BLM: variants seen among roughly 807,000 people sequenced by gnomAD.
BLM encodes recQ-like DNA helicase BLM.
A neutral mutation model predicts 135.3 loss-of-function variants in BLM; 95 were observed. The ratio of observed to expected loss-of-function variants is 0.70; its 90% CI spans 0.59 to 0.83. The LOEUF is 0.83. Among genes scored for constraint, BLM ranks in the 40% least tolerant of loss-of-function variants. The pLI is 0.00. For missense variants in BLM, 1,518 were observed against 1,663.9 expected, an observed-to-expected ratio of 0.91 and a Z score of 1.53; for synonymous variants, 520 against 589.2, an observed-to-expected ratio of 0.88 and a Z score of 1.70.
intron 9 of BLM, among the ~76,000 whole-genome samples, chr15:90,765,841 G>A (rs1896110604): frequency 6.6e-6 from 1 of 152,178 alleles, no homozygotes; most frequent in Admixed American, 6.5e-5. Context: ...AGTTGGGGGT[G>A]GTGGCTCATG....
Position 90,765,358 on chromosome 15 carries a change from A to G in BLM, c.2137A>G (p.Ile713Val), listed in dbSNP as rs1896094984. 1 of 1,613,902 alleles carries G rather than the reference A, an allele frequency of 6.2e-7. No homozygotes were observed. The highest frequency in any genetic ancestry group is 8.5e-7 in the Non-Finnish European group (1 of 1,179,874). Residue 713 changes from isoleucine to valine, a missense_variant, in exon 9 of 22, where the codon ATT becomes GTT. Physicochemically the swap from Ile to Val is conservative, Grantham distance 29. Coordinates refer to ENST00000355112, the MANE Select transcript of BLM (RefSeq NM_000057.4). ...TGTTTCTCCTGGGGTCACTGTTGTC[A>G]TTTCTCCCTTGAGATCACTTATCGT... The part of the protein sequence containing the change: ...ACVSPGVTVV[I>V]SPLRSLIVDQ...
At position 90,785,013 on chromosome 15, in the gene BLM, C is replaced by T. The variant is rs1284859576; in HGVS notation, c.2755C>T (p.His919Tyr). Residue 919 changes from histidine (H) to tyrosine (Y), a missense_variant, in exon 14 of 22, where the codon CAT becomes TAT. Transcript: ENST00000355112. The stretch of plus-strand genomic sequence containing the variant: ...AGATGGGCTCGCTGCTCTTGCTTAC[C>T]ATGCTGGCCTCAGTGATTCTGCCAG... ...QRDGLAALAYHAGLSDSARDE... is the reference protein window; with the variant it reads ...QRDGLAALAYYAGLSDSARDE... The T allele has an allele frequency of 1.2e-6, 2 of 1,614,130 alleles. No individual in the cohort carries two copies. The highest frequency in any genetic ancestry group is 1.1e-5 in the South Asian group (1 of 91,082).
chr15:90,808,649 G>A (rs1394499383), intron 19 of BLM: 1 of 203,910 alleles, frequency 4.9e-6, no homozygotes, highest in Non-Finnish European at 1.0e-5. Context: ...CATGGGGAAA[G>A]AGTGGAGGAA....
chr15:90,809,051 C>A, intron 19 of BLM, 86 bp from the exon 20 acceptor site: 1 of 1,567,682 alleles, frequency 6.4e-7, no homozygotes, highest in Non-Finnish European at 8.8e-7. Context: ...ACTTAGCAGA[C>A]GTGTGCTGAA....
chr15:90,773,510 C>T (rs1300513735), intron 12 of BLM, among the ~76,000 whole-genome samples: 1 of 116,750 alleles, frequency 8.6e-6, no homozygotes, highest in Non-Finnish European at 1.7e-5. Flanking sequence ...ACTTCAATGG[C>T]CTTTTTTTTT....
intron 17 of BLM, 83 bp from the exon 18 acceptor site, chr15:90,803,438 A>G (rs1897209837): frequency 1.5e-6 from 2 of 1,301,664 alleles, no homozygotes; most frequent in Non-Finnish European, 2.2e-6. Flanking sequence ...AAACCTGTCC[A>G]TAAATGACTT....
intron 10 of BLM, among the ~76,000 whole-genome samples, chr15:90,768,800 A>G (rs1159126553): frequency 6.6e-6 from 1 of 152,178 alleles, no homozygotes; most frequent in Non-Finnish European, 1.5e-5. Context: ...ATCTTGGCTC[A>G]CTGCAACCTC....
chr15:90,773,511 C>CTTTTTT (rs55678339), intron 12 of BLM, among the ~76,000 whole-genome samples: 717 of 100,598 alleles, frequency 7.1e-3, no homozygotes, highest in African/African-American at 0.011. Context: ...CTTCAATGGC[C>CTTTTTT]TTTTTTTTTT....
intron 7 of BLM, among the ~76,000 whole-genome samples, chr15:90,761,861 TGA>T (rs954903726): frequency 1.3e-5 from 2 of 152,022 alleles, no homozygotes; most frequent in African/African-American, 4.8e-5. Context: ...CACAGCTTAG[TGA>T]GAGAGAAGTT....
intron 14 of BLM, among the ~76,000 whole-genome samples, chr15:90,789,987 GT>G (rs61059865): frequency 0.027 from 1,545 of 57,286 alleles, 32 homozygotes; most frequent in Non-Finnish European, 0.038. Context: ...AGTCCCTGGT[GT>G]TTTTTTTTTT....
intron 1 of BLM, among the ~76,000 whole-genome samples, chr15:90,728,997 C>T (rs1464149196): frequency 3.3e-5 from 5 of 151,752 alleles, no homozygotes; most frequent in African/African-American, 9.7e-5. Flanking sequence ...CTGGGCAACA[C>T]GGTGAGTCCC....
At position 90,748,390 on chromosome 15, in the gene BLM, G is replaced by A. The variant is rs1377537040; in HGVS notation, c.98+900G>A. On this transcript the variant is annotated intron_variant, in intron 2 of 21. Coordinates refer to ENST00000355112, the MANE Select transcript of BLM (RefSeq NM_000057.4). ...CCCAAAGTGCTGGGATTACAGGCGT[G>A]AGCCACCACGCCCGGCCAATTATTT... 2.6e-5 allele frequency among the ~76,000 whole-genome samples: 4 copies of A among 152,060 alleles called. No homozygotes were observed. The East Asian group carries it at 5.8e-4, about 22-fold the overall frequency.
Position 90,784,969 on chromosome 15 carries a change from T to C in BLM, c.2711T>C (p.Met904Thr), listed in dbSNP as rs1160442115. Reference protein sequence around the residue: ...YCLSRRECDTMADTLQRDGLA... With the variant: ...YCLSRRECDTTADTLQRDGLA... The stretch of plus-strand genomic sequence containing the variant: ...CTCTCCAGGCGAGAATGTGACACCA[T>C]GGCTGACACGTTACAGAGAGATGGG... The change falls in exon 14 of 22, where the codon ATG becomes ACG. Residue 904 changes from methionine (M) to threonine (T), a missense_variant. Transcript: ENST00000355112. 3.7e-6 allele frequency: 6 copies of C among 1,614,082 alleles called. No individual in the cohort carries two copies. The highest frequency in any genetic ancestry group is 4.2e-6 in the Non-Finnish European group (5 of 1,180,046).
intron 19 of BLM, among the ~76,000 whole-genome samples, chr15:90,805,786 C>T (rs1456668215): frequency 6.6e-6 from 1 of 151,862 alleles, no homozygotes; most frequent in East Asian, 2.0e-4. Context: ...CTGCCTCAGC[C>T]TCCCAAAGTG....
chr15:90,776,563 G>A (rs960887665), intron 12 of BLM, among the ~76,000 whole-genome samples: 10 of 152,108 alleles, frequency 6.6e-5, no homozygotes, highest in Admixed American at 6.6e-4. Flanking sequence ...TTTCACCCAG[G>A]ATGGAATAAG....
At chr15:90,735,806 T>A (rs1459636606) in intron 1 of BLM, among the ~76,000 whole-genome samples, 3 of 151,906 alleles carry the variant, frequency 2.0e-5, no homozygotes, top group South Asian at 4.2e-4. Context: ...GAAAAGCAAA[T>A]TCTTGATTAC....
Position 90,797,871 on chromosome 15 carries a change from A to C in BLM, c.3211-319A>C, listed in dbSNP as rs540271564. On this transcript the variant is annotated intron_variant, in intron 16 of 21. Coordinates refer to ENST00000355112, the MANE Select transcript of BLM (RefSeq NM_000057.4). ...CACAGGTTCCCACCCAGTATGTAAC[A>C]GAGCACTATTCTAGGAGGCATGGAG... Among the ~76,000 whole-genome samples, 3 of 152,324 alleles carry C rather than the reference A, an allele frequency of 2.0e-5. No individual in the cohort carries two copies. The East Asian group carries it at 5.8e-4, about 29-fold the overall frequency.
intron 1 of BLM, among the ~76,000 whole-genome samples, chr15:90,719,802 G>C (rs1375212761): frequency 2.0e-5 from 3 of 152,054 alleles, no homozygotes; most frequent in South Asian, 2.1e-4. Context: ...GAATAAAGAG[G>C]TCCAAGATAA....
chr15:90,804,494 C>T (rs1187758622), intron 19 of BLM, 135 bp downstream of exon 19: 6 of 981,788 alleles, frequency 6.1e-6, no homozygotes, highest in African/African-American at 4.8e-5. Flanking sequence ...GACGGGGTCT[C>T]GCTGTGTCAC....
Sources: allele counts gnomAD v4.1 joint callset (sites outside exome capture counted in the v4.1 genomes callset), GRCh38; gene constraint gnomAD v4.1.1; transcripts MANE v1.5; gene names NCBI Gene and HGNC (gene_info 2026-07-23, HGNC 2026-07-21).